Variants in LRRC75A observed in about 807,000 individuals in gnomAD.
The protein encoded by LRRC75A is leucine-rich repeat-containing protein 75A.
LRRC75A carries 12 observed loss-of-function variants against 26.0 expected under a neutral mutation model. The observed-to-expected ratio is 0.46, with a 90% confidence interval of 0.30 to 0.75. The LOEUF is 0.75. Among genes scored for constraint, LRRC75A ranks in the 30% least tolerant of loss-of-function variants. The probability of loss-of-function intolerance (pLI) is 0.08; values close to 1 mark genes in which losing one functional copy is unlikely to be tolerated. For missense variants in LRRC75A, 410 were observed against 486.6 expected (o/e 0.84, Z 1.48); for synonymous variants, 223 against 219.3 (o/e 1.02, Z -0.15).
intron 1 of LRRC75A, among the ~76,000 whole-genome samples, chr17:16,473,139 G>C (rs1200504687): frequency 6.6e-6 from 1 of 152,002 alleles, no homozygotes; most frequent in African/African-American, 2.4e-5. Context: ...CTGTGTGTGT[G>C]TGTGTGTGTG....
At chr17:16,450,717 C>T (rs1176094324) in intron 2 of LRRC75A, among the ~76,000 whole-genome samples, 1 of 152,160 alleles carries the variant, frequency 6.6e-6, no homozygotes, top group Non-Finnish European at 1.5e-5. Flanking sequence ...GTCATGGGGG[C>T]TGCAGGGGAG....
At chr17:16,460,948 C>T (rs751029359) in intron 2 of LRRC75A, 2 of 152,564 alleles carry the variant, frequency 1.3e-5, no homozygotes, top group African/African-American at 4.8e-5. Flanking sequence ...CCAGCCAGCT[C>T]CCTGTGGCTC....
At chr17:16,487,490 G>A (rs1208313792) in intron 1 of LRRC75A, among the ~76,000 whole-genome samples, 2 of 152,202 alleles carry the variant, frequency 1.3e-5, no homozygotes, top group Non-Finnish European at 2.9e-5. Flanking sequence ...CCAGGCTGGA[G>A]TGCAGAGGCT....
intron 1 of LRRC75A, chr17:16,478,467 T>C (rs1162946147): frequency 6.6e-6 from 1 of 152,164 alleles, no homozygotes; most frequent in East Asian, 1.9e-4. Flanking sequence ...ATTACAGGAG[T>C]GAGCCGCTGT....
chr17:16,449,158 C>T (rs2093610761), intron 2 of LRRC75A, among the ~76,000 whole-genome samples: 1 of 152,196 alleles, frequency 6.6e-6, no homozygotes. Flanking sequence ...GCCAACGACT[C>T]GGTGTGGGGA....
At position 16,443,215 on chromosome 17, in the gene LRRC75A, A is replaced by G. The variant is rs1225558481; in HGVS notation, c.*373T>C. On this transcript the variant is annotated 3_prime_UTR_variant, in exon 4 of 4. Transcript: ENST00000470794. ...GTAATGCAGTACATGTAGGGGCCCT[A>G]CTGTATTCTTTTTCTGGGGGAAAGC... is the stretch of plus-strand genomic sequence containing the variant. 4.5e-6 allele frequency: 1 copy of G among 223,026 alleles called. No homozygotes were observed. The highest frequency in any genetic ancestry group is 2.3e-5 in the African/African-American group (1 of 44,000). 13.8% of individuals were successfully genotyped at this position (223,026 alleles called of 1,614,324 possible). A position where few individuals can be genotyped will look rare whatever the true frequency, so the allele number is the denominator to read the frequency against.
chr17:16,452,332 G>A lies in LRRC75A; in HGVS notation c.376-4372C>T, dbSNP rs1361894678. Among the ~76,000 whole-genome samples, 7 of 151,246 alleles carry A rather than the reference G, an allele frequency of 4.6e-5. 1 individual carries two copies. The South Asian group carries it at 1.4e-3, about 31-fold the overall frequency. Reference sequence around the variant, plus strand: ...ATCACACCTCTGCACTCCAGACAGGGTGAGACCTAGTCTCAAAAAACCAAA... The same window carrying A: ...ATCACACCTCTGCACTCCAGACAGGATGAGACCTAGTCTCAAAAAACCAAA... On this transcript the variant is annotated intron_variant, in intron 2 of 3. Coordinates refer to ENST00000470794, the MANE Select transcript of LRRC75A (RefSeq NM_001113567.3).
At chr17:16,458,304 CAAAA>C (rs933071245) in intron 2 of LRRC75A, among the ~76,000 whole-genome samples, 24 of 151,616 alleles carry the variant, frequency 1.6e-4, no homozygotes, top group African/African-American at 5.1e-4. Flanking sequence ...GAGACTCTGT[CAAAA>C]GAAAGAAAGA....
At chr17:16,456,231 GAGAAAGGAGGAGA>G (rs2143020326) in intron 2 of LRRC75A, among the ~76,000 whole-genome samples, 1 of 51,792 alleles carries the variant, frequency 1.9e-5, no homozygotes, top group African/African-American at 1.1e-4. Flanking sequence ...GGAAGAAGAG[GAGAAAGGAGGAGA>G]AGAAGGAAGA....
chr17:16,478,908 C>T (rs2093827172), intron 1 of LRRC75A, among the ~76,000 whole-genome samples: 1 of 152,214 alleles, frequency 6.6e-6, no homozygotes, highest in South Asian at 2.1e-4. Context: ...AAAACTAAAT[C>T]GACTGGAGTG....
Position 16,491,939 on chromosome 17 carries a change from C to T in LRRC75A, c.52G>A (p.Ala18Thr), listed in dbSNP as rs2093858461. The part of the protein sequence containing the change: ...GSLAERASPG[A>T]APGPRRERPD... The stretch of plus-strand genomic sequence containing the variant: ...CGTTCGCGTCGGGGGCCCGGCGCGG[C>T]GCCGGGGCTGGCTCTCTCCGCCAGG... The change falls in exon 1 of 4, where the codon GCC (alanine) becomes ACC (threonine). Residue 18 changes from alanine (A) to threonine (T), a missense_variant. Transcript: ENST00000470794. This position sits in a 1 kb window ranked among gnomAD's most constrained non-coding sequence, Gnocchi z 5.9. 1.6e-6 allele frequency: 2 copies of T among 1,242,402 alleles called. No individual in the cohort carries two copies. The highest frequency in any genetic ancestry group is 8.8e-5 in the Admixed American group (2 of 22,718). 77.0% of individuals were successfully genotyped at this position (1,242,402 alleles called of 1,614,324 possible). A position where few individuals can be genotyped will look rare whatever the true frequency, so the allele number is the denominator to read the frequency against.
At chr17:16,480,811 C>A (rs887927458) in intron 1 of LRRC75A, among the ~76,000 whole-genome samples, 1 of 152,106 alleles carries the variant, frequency 6.6e-6, no homozygotes. Flanking sequence ...CTGCCTGTGA[C>A]GAGGGAAGTC....
intron 1 of LRRC75A, among the ~76,000 whole-genome samples, chr17:16,476,906 T>C (rs942971029): frequency 4.6e-5 from 7 of 151,766 alleles, no homozygotes; most frequent in South Asian, 2.1e-4. Context: ...GCCTGGCTAA[T>C]TTTTTGTATT....
At chr17:16,484,059 C>T (rs1601203197) in intron 1 of LRRC75A, among the ~76,000 whole-genome samples, 1 of 152,062 alleles carries the variant, frequency 6.6e-6, no homozygotes, top group African/African-American at 2.4e-5. Context: ...CTAATGAGGC[C>T]GGGTACAGTG....
chr17:16,462,680 G>A lies in LRRC75A; in HGVS notation c.247-294C>T, dbSNP rs1392648462. Among the ~76,000 whole-genome samples the A allele has an allele frequency of 2.6e-5, 4 of 152,220 alleles. No homozygotes were observed. Among genetic ancestry groups the A allele is most frequent in the Non-Finnish European group, 4.4e-5 (3 of 68,030 alleles). ...ACCTTTGTCTCTCTGGTTTTCCAGA[G>A]GAGGAAGCCAAGGGTGGCCTGCCTC... is the stretch of plus-strand genomic sequence containing the variant. On this transcript the variant is annotated intron_variant, in intron 1 of 3. Transcript: ENST00000470794. This position sits in a 1 kb window ranked among gnomAD's most constrained non-coding sequence, Gnocchi z 4.6.
intron 1 of LRRC75A, among the ~76,000 whole-genome samples, chr17:16,490,147 C>T (rs1011848243): frequency 2.6e-5 from 4 of 152,200 alleles, no homozygotes; most frequent in Non-Finnish European, 5.9e-5. Context: ...ATGCAAGCTT[C>T]GCTCTGGTCT....
chr17:16,486,357 C>T (rs1032179335), intron 1 of LRRC75A, among the ~76,000 whole-genome samples: 2 of 152,120 alleles, frequency 1.3e-5, no homozygotes, highest in African/African-American at 2.4e-5. Flanking sequence ...TCAGAATAAC[C>T]GGCCCAGCTA....
intron 1 of LRRC75A, among the ~76,000 whole-genome samples, chr17:16,484,404 T>A (rs750693406): frequency 1.1e-4 from 17 of 151,638 alleles, no homozygotes; most frequent in Admixed American, 2.0e-4. Flanking sequence ...AAAATAAACA[T>A]GAGAAAAGGC....
chr17:16,443,893 G>C lies in LRRC75A; in HGVS notation c.730C>G (p.Arg244Gly). 1.2e-6 allele frequency: 2 copies of C among 1,613,292 alleles called. No homozygotes were observed. Among genetic ancestry groups the C allele is most frequent in the Non-Finnish European group, 1.7e-6 (2 of 1,179,402 alleles). ...TLALNGNRLT[R>G]AVLRDLTDIL... The stretch of plus-strand genomic sequence containing the variant: ...TCAGTGAGGTCGCGCAGCACGGCCC[G>C]GGTCAACCGGTTGCCATTGAGTGCC... Residue 244 changes from arginine to glycine, a missense_variant, in exon 4 of 4, where the codon CGG (arginine) becomes GGG (glycine). By Grantham distance (125) the Arg-to-Gly change is moderately radical. Transcript: ENST00000470794.
Sources: allele counts gnomAD v4.1 joint callset (sites outside exome capture counted in the v4.1 genomes callset), GRCh38; gene constraint gnomAD v4.1.1; non-coding constraint Gnocchi (gnomAD v3.1); transcripts MANE v1.5; gene names NCBI Gene and HGNC (gene_info 2026-07-23, HGNC 2026-07-21).